Variants in CD226 observed in about 807,000 individuals in gnomAD.
The protein encoded by CD226 is CD226 molecule.
A neutral mutation model predicts 34.9 loss-of-function variants in CD226; 24 were observed. The ratio of observed to expected loss-of-function variants is 0.69; its 90% CI spans 0.50 to 0.97. The LOEUF is 0.97. Among genes scored for constraint, CD226 ranks in the 50% least tolerant of loss-of-function variants. CD226 has a pLI of 0.00. For missense variants in CD226, 397 were observed against 412.7 expected, an observed-to-expected ratio of 0.96 and a Z score of 0.33; for synonymous variants, 148 against 147.4, an observed-to-expected ratio of 1.00 and a Z score of -0.03.
chr18:69,871,550 T>C (rs1475061609), intron 4 of CD226, among the ~76,000 whole-genome samples: 2 of 152,160 alleles, frequency 1.3e-5, no homozygotes, highest in Non-Finnish European at 2.9e-5. Context: ...ACGTACACAA[T>C]GATTCCAGAT....
At position 69,855,856 on chromosome 18, in the gene CD226, A is replaced by C. The variant is rs1275288963; in HGVS notation, c.*8458T>G. 6.6e-6 allele frequency: 1 copy of C among 152,210 alleles called. No individual in the cohort carries two copies. Among genetic ancestry groups the C allele is most frequent in the East Asian group, 1.9e-4 (1 of 5,202 alleles). 9.4% of individuals were successfully genotyped at this position (152,210 alleles called of 1,614,324 possible). ...GAATAATCTAAATGTACCAATTAGA[A>C]GTGGTGGGTTTAAACACACAAAAAA... On this transcript the variant is annotated 3_prime_UTR_variant, in exon 6 of 6. Coordinates refer to ENST00000582621, the MANE Select transcript of CD226 (RefSeq NM_001303618.2).
At chr18:69,894,322 C>A (rs1422516565) in intron 3 of CD226, among the ~76,000 whole-genome samples, 6 of 102,378 alleles carry the variant, frequency 5.9e-5, no homozygotes, top group Non-Finnish European at 9.5e-5. Flanking sequence ...ACAAAAGAGA[C>A]AAATGCCTAA....
intron 4 of CD226, among the ~76,000 whole-genome samples, chr18:69,868,060 A>G (rs1415300993): frequency 6.6e-6 from 1 of 152,184 alleles, no homozygotes. Flanking sequence ...TGAAAGGACC[A>G]TCTGCAACCA....
chr18:69,950,231 C>T (rs2055839969), upstream of CD226, among the ~76,000 whole-genome samples: 1 of 152,142 alleles, frequency 6.6e-6, no homozygotes, highest in Non-Finnish European at 1.5e-5. Context: ...CATGCTCACA[C>T]ACATTTGCAC....
chr18:69,861,032 T>G lies in CD226; in HGVS notation c.*3282A>C, dbSNP rs1407954550. ...AAAACTACTGTTATACAGCTGTAAT[T>G]TTTACTTAATGCCATTCTATACAAA... On this transcript the variant is annotated 3_prime_UTR_variant, in exon 6 of 6. Transcript: ENST00000582621. The G allele has an allele frequency of 1.3e-5, 2 of 152,106 alleles. No homozygotes were observed. Among genetic ancestry groups the G allele is most frequent in the African/African-American group, 4.8e-5 (2 of 41,442 alleles). 9.4% of individuals were successfully genotyped at this position (152,106 alleles called of 1,614,324 possible).
rs1485082071 is a variant in CD226 at position 69,863,968 on chromosome 18, C to T, written c.*346G>A. On this transcript the variant is annotated 3_prime_UTR_variant, in exon 6 of 6. Transcript: ENST00000582621. ...GAGGCCAAGACCAGGGAAATGGATCCAACACTCTGGAAAGGGATTCAGAAG... is the reference window on the plus strand; with the variant it reads ...GAGGCCAAGACCAGGGAAATGGATCTAACACTCTGGAAAGGGATTCAGAAG... 1.2e-5 allele frequency: 2 copies of T among 170,912 alleles called. No individual in the cohort carries two copies. Among genetic ancestry groups the T allele is most frequent in the African/African-American group, 4.8e-5 (2 of 42,022 alleles). The allele number at this position is 170,912 out of a possible 1,614,324, so 10.6% of individuals were successfully genotyped here. A position where few individuals can be genotyped will look rare whatever the true frequency, so the allele number is the denominator to read the frequency against.
intron 2 of CD226, among the ~76,000 whole-genome samples, chr18:69,901,740 G>A (rs201701438): frequency 2.0e-4 from 30 of 149,218 alleles, no homozygotes; most frequent in Admixed American, 3.3e-4. Context: ...TTAGCCGGGC[G>A]TGGTGGCAGG....
upstream of CD226, among the ~76,000 whole-genome samples, chr18:69,952,646 C>T (rs1028288124): frequency 6.6e-6 from 1 of 152,112 alleles, no homozygotes; most frequent in Non-Finnish European, 1.5e-5. Flanking sequence ...CTGTAGAAAT[C>T]TTAGAATAAG....
chr18:69,872,091 G>GTGTGT (rs768112256), intron 4 of CD226, among the ~76,000 whole-genome samples: 1,135 of 93,736 alleles, frequency 0.012, 13 homozygotes, highest in African/African-American at 0.043. Context: ...TGTGTGTGTG[G>GTGTGT]TGCATTTGGT....
chr18:69,938,053 G>T (rs1167865398), intron 2 of CD226, among the ~76,000 whole-genome samples: 2 of 152,202 alleles, frequency 1.3e-5, no homozygotes, highest in East Asian at 1.9e-4. Flanking sequence ...CATATAAGGA[G>T]CCTCATCCCA....
chr18:69,891,735 C>G (rs1984916281), intron 3 of CD226, among the ~76,000 whole-genome samples: 1 of 152,052 alleles, frequency 6.6e-6, no homozygotes, highest in African/African-American at 2.4e-5. Context: ...AATCCCATCC[C>G]CAATAACAAT....
At chr18:69,877,831 T>G (rs1469500487) in intron 3 of CD226, among the ~76,000 whole-genome samples, 1 of 152,152 alleles carries the variant, frequency 6.6e-6, no homozygotes, top group East Asian at 1.9e-4. Flanking sequence ...GGAAAAAGGA[T>G]TTTTTCTTAA....
intron 1 of CD226, among the ~76,000 whole-genome samples, chr18:69,953,297 G>A (rs2055869306): frequency 6.6e-6 from 1 of 152,196 alleles, no homozygotes; most frequent in South Asian, 2.1e-4. Flanking sequence ...AAAGCCAGAA[G>A]GTGGTAACGA....
At chr18:69,942,672 G>A (rs1051404002) in intron 2 of CD226, among the ~76,000 whole-genome samples, 2 of 152,172 alleles carry the variant, frequency 1.3e-5, no homozygotes, top group African/African-American at 4.8e-5. Context: ...TGCAGGGAGA[G>A]AGTCTCACTC....
chr18:69,946,083 C>CTGAGGTAGG (rs2055785971), intron 2 of CD226, among the ~76,000 whole-genome samples: 1 of 140,194 alleles, frequency 7.1e-6, no homozygotes, highest in Admixed American at 7.8e-5. Context: ...ACTTGCGGGG[C>CTGAGGTAGG]TGAGGTAGGA....
At chr18:69,869,197 T>C (rs1287936808) in intron 4 of CD226, among the ~76,000 whole-genome samples, 3 of 152,152 alleles carry the variant, frequency 2.0e-5, no homozygotes. Context: ...ATAAGACACA[T>C]GCAAGCATGT....
intron 4 of CD226, 110 bp from the exon 5 acceptor site, chr18:69,867,521 T>C: frequency 1.5e-6 from 1 of 684,098 alleles, no homozygotes; most frequent in African/African-American, 1.8e-5. Context: ...CCTTCTAATA[T>C]GTTGAAGTAG....
At chr18:69,950,970 T>TG (rs1166339288), upstream of CD226, among the ~76,000 whole-genome samples, 12 of 96,354 alleles carry the variant, frequency 1.2e-4, no homozygotes, top group African/African-American at 4.0e-4. Flanking sequence ...AAACTATGAT[T>TG]TTGTGTGTGT....
At chr18:69,899,040 A>G (rs970722362) in intron 2 of CD226, among the ~76,000 whole-genome samples, 10 of 152,214 alleles carry the variant, frequency 6.6e-5, no homozygotes, top group African/African-American at 2.4e-4. Context: ...CATTGAATAG[A>G]CTGTGTTGTT....
Sources: allele counts gnomAD v4.1 joint callset (sites outside exome capture counted in the v4.1 genomes callset), GRCh38; gene constraint gnomAD v4.1.1; transcripts MANE v1.5; gene names NCBI Gene and HGNC (gene_info 2026-07-23, HGNC 2026-07-21).